PCDHGA10: variants seen among roughly 807,000 people sequenced by gnomAD.
The protein encoded by PCDHGA10 is protocadherin gamma subfamily A, 10, also known as protocadherin gamma-A10.
Under a neutral mutation model 59.5 loss-of-function variants are expected in PCDHGA10, and 42 were observed. That is an observed-to-expected ratio of 0.71 (90% CI 0.55 to 0.91). PCDHGA10 has a LOEUF of 0.91. Among genes scored for constraint, PCDHGA10 ranks in the 40% least tolerant of loss-of-function variants. PCDHGA10 has a pLI of 0.00. For synonymous variants in PCDHGA10, 511 were observed against 517.2 expected (o/e 0.99, Z 0.16); for missense variants, 1,111 against 1,198.2 (o/e 0.93, Z 1.07).
At chr5:141,507,798 GCCCT>G (rs2099863561) in intron 3 of PCDHGA10, among the ~76,000 whole-genome samples, 1 of 152,188 alleles carries the variant, frequency 6.6e-6, no homozygotes, top group Admixed American at 6.5e-5. Context: ...CTAAGCCTGC[GCCCT>G]GGGGAACGGA....
chr5:141,468,222 G>A lies in PCDHGA10; in HGVS notation c.2437-26585G>A, dbSNP rs560663102. 2.6e-3 allele frequency among the ~76,000 whole-genome samples: 401 copies of A among 151,572 alleles called. 2 individuals are homozygous for A. Among genetic ancestry groups the A allele is most frequent in the South Asian group, 0.02 (97 of 4,782 alleles). ...TGCCTGTAATTCCAGCTACTTGGGA[G>A]GATGAGGTAGGAGAATTGCCTGAAC... On this transcript the variant is annotated intron_variant, in intron 1 of 3. Coordinates refer to ENST00000398610, the MANE Select transcript of PCDHGA10 (RefSeq NM_018913.3).
rs1332652972 is a variant in PCDHGA10, at chr5:141,432,381, C to T, written c.2436+16770C>T. On this transcript the variant is annotated intron_variant, in intron 1 of 3. Transcript: ENST00000398610. The surrounding 1 kb of genome is among the most constrained non-coding windows in gnomAD (Gnocchi z 6.0). ...ATGGCGCGGGACAACGGGCACCCGCCCCTCAGCAGCAACGTGTCGTTGAGC... is the reference window on the plus strand; with the variant it reads ...ATGGCGCGGGACAACGGGCACCCGCTCCTCAGCAGCAACGTGTCGTTGAGC... 1 of 1,614,256 alleles carries T rather than the reference C, an allele frequency of 6.2e-7. No homozygotes were observed. The highest frequency in any genetic ancestry group is 1.1e-5 in the South Asian group (1 of 91,082).
rs1255326344 is a variant in PCDHGA10, at chr5:141,431,636, A to G, written c.2436+16025A>G. 6.2e-7 allele frequency: 1 copy of G among 1,614,254 alleles called. No homozygotes were observed. ...GGACGACAAGGCGGCCCAAGTTTTC[A>G]AACTAGATTGTAATTCAGGGACAAT... On this transcript the variant is annotated intron_variant, in intron 1 of 3. Transcript: ENST00000398610. This position sits in a 1 kb window ranked among gnomAD's most constrained non-coding sequence, Gnocchi z 4.8.
At chr5:141,444,002 C>T (rs2098413409) in intron 1 of PCDHGA10, among the ~76,000 whole-genome samples, 1 of 151,918 alleles carries the variant, frequency 6.6e-6, no homozygotes, top group African/African-American at 2.4e-5. Flanking sequence ...TAAATGCTAC[C>T]TGGGTATTGG....
chr5:141,477,978 T>A lies in PCDHGA10; in HGVS notation c.2437-16829T>A. ...TCCCCTAACCAGAGCCTTTTTGCCA[T>A]AGGGCTGCACACTGGTCAAATCAGT... is the stretch of plus-strand genomic sequence containing the variant. On this transcript the variant is annotated intron_variant, in intron 1 of 3. Transcript: ENST00000398610. The surrounding 1 kb of genome is among the most constrained non-coding windows in gnomAD (Gnocchi z 4.9). The A allele has an allele frequency of 6.2e-7, 1 of 1,614,120 alleles. No individual in the cohort carries two copies. Among genetic ancestry groups the A allele is most frequent in the Non-Finnish European group, 8.5e-7 (1 of 1,180,022 alleles).
At chr5:141,509,573 C>G (rs372901649) in intron 3 of PCDHGA10, among the ~76,000 whole-genome samples, 4 of 152,164 alleles carry the variant, frequency 2.6e-5, no homozygotes, top group Admixed American at 2.6e-4. Context: ...CTTCACAGTG[C>G]GTACAAATCA....
chr5:141,508,800 C>A (rs973992018), intron 3 of PCDHGA10, among the ~76,000 whole-genome samples: 1 of 152,086 alleles, frequency 6.6e-6, no homozygotes, highest in African/African-American at 2.4e-5. Context: ...CTCTGGAATC[C>A]TGGCTCTTTG....
Position 141,423,580 on chromosome 5 carries a change from A to C in PCDHGA10, c.2436+7969A>C, listed in dbSNP as rs368022774. 46 of 1,613,286 alleles carry C rather than the reference A, an allele frequency of 2.9e-5. No individual in the cohort carries two copies. In the African/African-American group the frequency reaches 5.6e-4, roughly 20 times the overall value. On this transcript the variant is annotated intron_variant, in intron 1 of 3. Coordinates refer to ENST00000398610, the MANE Select transcript of PCDHGA10 (RefSeq NM_018913.3). ...TGGGGACACGCTCATCAGCCAGGAGAGCTGTGAGAAAAGCGAGCCACTCTT... is the reference window on the plus strand; with the variant it reads ...TGGGGACACGCTCATCAGCCAGGAGCGCTGTGAGAAAAGCGAGCCACTCTT...
intron 1 of PCDHGA10, among the ~76,000 whole-genome samples, chr5:141,479,977 A>G (rs145953890): frequency 0.015 from 2,300 of 152,320 alleles, 30 homozygotes; most frequent in Non-Finnish European, 0.024. Context: ...AGGTTCTACC[A>G]TTTACCAACT....
At chr5:141,454,331 T>G (rs1244660733) in intron 1 of PCDHGA10, among the ~76,000 whole-genome samples, 1 of 152,180 alleles carries the variant, frequency 6.6e-6, no homozygotes, top group Non-Finnish European at 1.5e-5. Context: ...CAAGAATAAA[T>G]AAAATGTTGG....
chr5:141,431,020 G>A lies in PCDHGA10; in HGVS notation c.2436+15409G>A, dbSNP rs941765907. On this transcript the variant is annotated intron_variant, in intron 1 of 3. Transcript: ENST00000398610. This position sits in a 1 kb window ranked among gnomAD's most constrained non-coding sequence, Gnocchi z 4.8. ...CGCGCAGCGGCAGCTTGGTCACGGC[G>A]GGCAGGATAGACCGGGAGGAGCTCT... The A allele has an allele frequency of 9.9e-6, 16 of 1,614,050 alleles. No homozygotes were observed. Among genetic ancestry groups the A allele is most frequent in the East Asian group, 4.5e-5 (2 of 44,886 alleles).
intron 1 of PCDHGA10, among the ~76,000 whole-genome samples, chr5:141,429,369 G>A (rs1368624471): frequency 6.7e-6 from 1 of 148,994 alleles, no homozygotes; most frequent in Non-Finnish European, 1.5e-5. Context: ...AGAAAATGGA[G>A]AAAATGTGTT....
In PCDHGA10 at chr5:141,413,078, C is replaced by T; in HGVS notation, c.-98C>T. ...CACTCCAGAATTTAAAGTGCCCAGG[C>T]TACAGAGACACCCTGAAGCCACAGA... On this transcript the variant is annotated 5_prime_UTR_variant, in exon 1 of 4. Coordinates refer to ENST00000398610, the MANE Select transcript of PCDHGA10 (RefSeq NM_018913.3). 1 of 1,301,152 alleles carries T rather than the reference C, an allele frequency of 7.7e-7. No individual in the cohort carries two copies. The highest frequency in any genetic ancestry group is 1.1e-6 in the Non-Finnish European group (1 of 951,832). 80.6% of individuals were successfully genotyped at this position (1,301,152 alleles called of 1,614,324 possible).
intron 1 of PCDHGA10, among the ~76,000 whole-genome samples, chr5:141,467,414 C>A (rs1410743140): frequency 6.6e-5 from 10 of 152,168 alleles, no homozygotes; most frequent in African/African-American, 1.2e-4. Flanking sequence ...CCTTTCCCCA[C>A]ACCTAGGTTA....
chr5:141,453,700 G>T (rs953445370), intron 1 of PCDHGA10, among the ~76,000 whole-genome samples: 1 of 152,166 alleles, frequency 6.6e-6, no homozygotes, highest in East Asian at 1.9e-4. Flanking sequence ...TCCTGGCTTT[G>T]AACAGTTTCA....
In PCDHGA10 at chr5:141,432,296, G is replaced by A. The variant is rs895669878; in HGVS notation, c.2436+16685G>A. The A allele has an allele frequency of 2.5e-6, 4 of 1,614,106 alleles. No homozygotes were observed. The highest frequency in any genetic ancestry group is 1.1e-5 in the South Asian group (1 of 91,082). The stretch of plus-strand genomic sequence containing the variant: ...CGTGTCCATCAACTCCGACACTGGG[G>A]TACTGTATGCGCTGAGCTCCTTCGA... On this transcript the variant is annotated intron_variant, in intron 1 of 3. Transcript: ENST00000398610. The surrounding 1 kb of genome is among the most constrained non-coding windows in gnomAD (Gnocchi z 6.0).
intron 2 of PCDHGA10, 143 bp downstream of exon 2, chr5:141,495,008 G>A (rs2099758236): frequency 6.6e-7 from 1 of 1,521,900 alleles, no homozygotes; most frequent in Non-Finnish European, 8.8e-7. Context: ...TGGTGTGCGG[G>A]GGGCTGGCAC....
chr5:141,415,649 A>C, intron 1 of PCDHGA10, 38 bp downstream of exon 1: 1 of 1,597,710 alleles, frequency 6.3e-7, no homozygotes, highest in Non-Finnish European at 8.5e-7. Context: ...GTTAAAAAAA[A>C]AAAGATTGGT....
intron 1 of PCDHGA10, among the ~76,000 whole-genome samples, chr5:141,494,135 GTCAC>G (rs1365926534): frequency 3.3e-5 from 5 of 152,202 alleles, no homozygotes; most frequent in Admixed American, 6.5e-5. Flanking sequence ...CTTCTCCTTA[GTCAC>G]AGACCATTGT....
Sources: gnomAD v4.1 joint callset for allele counts (sites outside exome capture counted in the v4.1 genomes callset) on GRCh38, gnomAD v4.1.1 for gene constraint, Gnocchi (gnomAD v3.1) non-coding constraint, MANE v1.5 for transcripts, NCBI Gene and HGNC (gene_info 2026-07-23, HGNC 2026-07-21) for gene names.